The following RREB1 variants were observed in gnomAD, a reference collection of about 807,000 sequenced individuals.
RREB1 encodes ras-responsive element-binding protein 1.
Under a neutral mutation model 117.8 loss-of-function variants are expected in RREB1, and 27 were observed. That is an observed-to-expected ratio of 0.23 (90% CI 0.17 to 0.32). The LOEUF (loss-of-function observed/expected upper bound fraction) is 0.32, where lower values mean the gene tolerates loss of function less well. Ranked by LOEUF, RREB1 falls within the 10% of genes least tolerant of loss-of-function variation. RREB1 has a pLI of 1.00. For synonymous variants in RREB1, 1,298 were observed against 1,026.7 expected, an observed-to-expected ratio of 1.26 and a Z score of -5.05; for missense variants, 2,577 against 2,378.2, an observed-to-expected ratio of 1.08 and a Z score of -1.74.
intron 1 of RREB1, among the ~76,000 whole-genome samples, chr6:7,175,929 A>G (rs2113513203): frequency 6.6e-6 from 1 of 152,152 alleles, no homozygotes; most frequent in East Asian, 1.9e-4. Flanking sequence ...CTTATTATTT[A>G]TTTTTTGAGA....
At chr6:7,241,439 G>A (rs1244552931) in intron 11 of RREB1, among the ~76,000 whole-genome samples, 1 of 152,104 alleles carries the variant, frequency 6.6e-6, no homozygotes, top group Middle Eastern at 3.2e-3. Context: ...CAGCATCATG[G>A]TGCTGGGTCC....
intron 1 of RREB1, among the ~76,000 whole-genome samples, chr6:7,164,819 G>C (rs1428842088): frequency 6.6e-6 from 1 of 152,246 alleles, no homozygotes; most frequent in Non-Finnish European, 1.5e-5. Context: ...CCAAAGGCGA[G>C]GGGTCCAGTG....
chr6:7,127,358 ACTT>A (rs559288722), intron 1 of RREB1, among the ~76,000 whole-genome samples: 98 of 152,228 alleles, frequency 6.4e-4, no homozygotes, highest in Non-Finnish European at 1.2e-3. Flanking sequence ...TAACAGAATA[ACTT>A]CTTCCCTTTT....
intron 1 of RREB1, among the ~76,000 whole-genome samples, chr6:7,116,396 T>G (rs1761399636): frequency 6.6e-6 from 1 of 152,250 alleles, no homozygotes; most frequent in South Asian, 2.1e-4. Context: ...CTATGGAGAA[T>G]TAGCTCTTCT....
At chr6:7,148,050 G>A (rs902906120) in intron 1 of RREB1, among the ~76,000 whole-genome samples, 6 of 152,094 alleles carry the variant, frequency 3.9e-5, no homozygotes, top group East Asian at 3.9e-4. Context: ...GGCATTCTTC[G>A]GTCCAGAATA....
chr6:7,117,825 C>T (rs9505041), intron 1 of RREB1, among the ~76,000 whole-genome samples: 2,780 of 152,146 alleles, frequency 0.018, 70 homozygotes, highest in African/African-American at 0.06. Flanking sequence ...AGTCCTCCTA[C>T]CTCAGCCTCC....
chr6:7,233,733 G>A (rs1358331422), intron 10 of RREB1, among the ~76,000 whole-genome samples: 1 of 152,188 alleles, frequency 6.6e-6, no homozygotes, highest in Non-Finnish European at 1.5e-5. Flanking sequence ...ATTGGTGTGA[G>A]CTGTGCTCTG....
intron 1 of RREB1, among the ~76,000 whole-genome samples, chr6:7,132,209 C>T (rs186006347): frequency 1.9e-4 from 29 of 152,190 alleles, no homozygotes; most frequent in Non-Finnish European, 2.8e-4. Context: ...CATGCGCCAC[C>T]ATGCCTGGCC....
intron 1 of RREB1, among the ~76,000 whole-genome samples, chr6:7,113,509 C>T (rs547507531): frequency 2.9e-4 from 44 of 152,250 alleles, no homozygotes; most frequent in African/African-American, 1.0e-3. Flanking sequence ...ATTCCACGTT[C>T]ATGCTGAGAG....
intron 6 of RREB1, among the ~76,000 whole-genome samples, chr6:7,197,132 C>G (rs527984944): frequency 6.6e-6 from 1 of 152,316 alleles, no homozygotes; most frequent in Admixed American, 6.5e-5. Context: ...AGCTGCAAAG[C>G]TGTGAAGAAA....
rs1467395960 is a variant in RREB1, at chr6:7,248,714, C to G, written c.4975C>G (p.Leu1659Val). Residue 1659 changes from leucine (L) to valine (V), a missense_variant, in exon 13 of 13, where the codon CTG becomes GTG. Coordinates refer to ENST00000379938, the MANE Select transcript of RREB1 (RefSeq NM_001003699.4). ...CGCCGTCTCAGAGAACGAGGCTGAG[C>G]TGGCTCCCAATGCCAGCAACCACAT... ...NNAVSENEAE[L>V]APNASNHMAV... 1 of 1,614,210 alleles carries G rather than the reference C, an allele frequency of 6.2e-7. No individual in the cohort carries two copies. The highest frequency in any genetic ancestry group is 8.5e-7 in the Non-Finnish European group (1 of 1,180,028).
chr6:7,231,067 G>A lies in RREB1; in HGVS notation c.2968G>A (p.Glu990Lys). 6.2e-7 allele frequency: 1 copy of A among 1,613,728 alleles called. No individual in the cohort carries two copies. Among genetic ancestry groups the A allele is most frequent in the Non-Finnish European group, 8.5e-7 (1 of 1,180,022 alleles). ...AACTTTGGGGCCCAGCGGAATCCTG[G>A]AAAGCCCCATGGCCCCTGCTCCGGC... ...PVTLGPSGIL[E>K]SPMAPAPAAT... Residue 990 changes from glutamate (E) to lysine (K), a missense_variant, in exon 10 of 13, where the codon GAA (glutamate) becomes AAA (lysine). Glu to Lys is a moderately conservative substitution (Grantham distance 56). Transcript: ENST00000379938.
intron 8 of RREB1, chr6:7,218,477 G>T (rs1767038949): frequency 6.6e-6 from 1 of 151,650 alleles, no homozygotes; most frequent in African/African-American, 2.4e-5. Context: ...TAGCCACAAG[G>T]TTAAGAAGTT....
At chr6:7,240,653 C>T (rs776862793) in intron 11 of RREB1, 51 bp downstream of exon 11, 42 of 1,552,654 alleles carry the variant, frequency 2.7e-5, no homozygotes, top group African/African-American at 9.6e-5. Flanking sequence ...GAGAGGAGTT[C>T]GGTTAAGAAT....
chr6:7,154,916 C>A (rs1055346455), intron 1 of RREB1, among the ~76,000 whole-genome samples: 1 of 152,222 alleles, frequency 6.6e-6, no homozygotes, highest in East Asian at 1.9e-4. Flanking sequence ...GAGCTTCATT[C>A]GTTGGTGGTT....
At chr6:7,161,721 T>C (rs763805901) in intron 1 of RREB1, among the ~76,000 whole-genome samples, 1 of 152,170 alleles carries the variant, frequency 6.6e-6, no homozygotes, top group East Asian at 1.9e-4. Flanking sequence ...CTTTACTCTC[T>C]CCTGTCCTGG....
At chr6:7,118,616 G>A (rs1037359988) in intron 1 of RREB1, among the ~76,000 whole-genome samples, 2 of 152,158 alleles carry the variant, frequency 1.3e-5, no homozygotes, top group South Asian at 2.1e-4. Context: ...CTTAACTTGC[G>A]TGTCTCTGAA....
At chr6:7,244,973 C>T (rs1037552588) in intron 11 of RREB1, among the ~76,000 whole-genome samples, 4 of 152,146 alleles carry the variant, frequency 2.6e-5, no homozygotes, top group African/African-American at 7.2e-5. Context: ...AGGTTAGGTG[C>T]GTGAATCTGC....
chr6:7,151,307 T>G (rs1443564902), intron 1 of RREB1, among the ~76,000 whole-genome samples: 1 of 152,092 alleles, frequency 6.6e-6, no homozygotes, highest in African/African-American at 2.4e-5. Flanking sequence ...GATTTAAGGT[T>G]GTTGGAGGAT....
Sources: allele counts gnomAD v4.1 joint callset (sites outside exome capture counted in the v4.1 genomes callset), GRCh38; gene constraint gnomAD v4.1.1; transcripts MANE v1.5; gene names NCBI Gene and HGNC (gene_info 2026-07-23, HGNC 2026-07-21).